The following LEMD2 variants were observed in gnomAD, a reference collection of about 807,000 sequenced individuals.
LEMD2 encodes LEM domain nuclear envelope protein 2.
In LEMD2, 34 loss-of-function variants were observed where a neutral mutation model predicts 58.8. That is an observed-to-expected ratio of 0.58 (90% CI 0.44 to 0.77). LEMD2 has a LOEUF of 0.77. Ranked by LOEUF, LEMD2 falls within the 30% of genes least tolerant of loss-of-function variation. The probability of loss-of-function intolerance (pLI) is 0.00; values close to 1 mark genes in which losing one functional copy is unlikely to be tolerated. For missense variants in LEMD2, 629 were observed against 717.9 expected (o/e 0.88, Z 1.42); for synonymous variants, 298 against 308.9 (o/e 0.96, Z 0.37).
At position 33,789,130 on chromosome 6, in the gene LEMD2, C is replaced by A; in HGVS notation, c.-14G>T. 1.3e-6 allele frequency: 2 copies of A among 1,491,698 alleles called. No individual in the cohort carries two copies. Among genetic ancestry groups the A allele is most frequent in the Admixed American group, 2.3e-5 (1 of 42,800 alleles). 92.4% of individuals were successfully genotyped at this position (1,491,698 alleles called of 1,614,324 possible). ...CAGGCCGGCCATGGCCAGGACGCCGCCCCCCGCCCGCCCCTGGCGCGCACC... is the reference window on the plus strand; with the variant it reads ...CAGGCCGGCCATGGCCAGGACGCCGACCCCCGCCCGCCCCTGGCGCGCACC... On this transcript the variant is annotated 5_prime_UTR_variant, in exon 1 of 9. Transcript: ENST00000293760.
chr6:33,786,892 T>G, intron 1 of LEMD2, 118 bp from the exon 2 acceptor site: 1 of 1,509,424 alleles, frequency 6.6e-7, no homozygotes, highest in Non-Finnish European at 8.9e-7. Flanking sequence ...GGGTGGGGAT[T>G]AGAAAGATGT....
chr6:33,784,751 G>A lies in LEMD2; in HGVS notation c.778-324C>T, dbSNP rs981889784. The A allele has an allele frequency of 2.9e-5, 7 of 237,874 alleles. No homozygotes were observed. In the East Asian group the frequency reaches 5.1e-4, roughly 17 times the overall value. The allele number at this position is 237,874 out of a possible 1,614,324, so 14.7% of individuals were successfully genotyped here. ...ATTAAGAGGGCTGAGCAGAGGCGAC[G>A]TGGTCGGGGGATGATGCAGTCGCTC... On this transcript the variant is annotated intron_variant, in intron 2 of 8. Coordinates refer to ENST00000293760, the MANE Select transcript of LEMD2 (RefSeq NM_181336.4).
chr6:33,781,682 C>T (rs926949131), intron 3 of LEMD2: 1 of 153,692 alleles, frequency 6.5e-6, no homozygotes, highest in African/African-American at 2.4e-5. Context: ...GCTTTGGAGG[C>T]CTGCTCCCAT....
rs943765327 is a variant in LEMD2 at position 33,778,163 on chromosome 6, G to T, written c.1156+79C>A. ...GACAGAAATGAACCCTCCGGGCCTG[G>T]AATTTCTATAGCTCATCATTCATGC... On this transcript the variant is annotated intron_variant, in intron 6 of 8. Coordinates refer to ENST00000293760, the MANE Select transcript of LEMD2 (RefSeq NM_181336.4). The surrounding 1 kb of genome is among the most constrained non-coding windows in gnomAD (Gnocchi z 4.7). 1.4e-6 allele frequency: 2 copies of T among 1,386,564 alleles called. No homozygotes were observed. Among genetic ancestry groups the T allele is most frequent in the African/African-American group, 2.9e-5 (2 of 68,192 alleles). 85.9% of individuals were successfully genotyped at this position (1,386,564 alleles called of 1,614,324 possible).
Position 33,771,776 on chromosome 6 carries a change from CGCGTCGGGGCTGTG to C in LEMD2, c.*838_*851del, listed in dbSNP as rs1396233207. On this transcript the variant is annotated 3_prime_UTR_variant, in exon 9 of 9. Coordinates refer to ENST00000293760, the MANE Select transcript of LEMD2 (RefSeq NM_181336.4). The stretch of plus-strand genomic sequence containing the variant: ...CGCTGAAGTTCTTGTTAAACAGCCC[CGCGTCGGGGCTGTG>C]GTCACAGTAAAGCAAGGCGATCTTC... 9 of 152,244 alleles carry C rather than the reference CGCGTCGGGGCTGTG, an allele frequency of 5.9e-5. No homozygotes were observed. Among genetic ancestry groups the C allele is most frequent in the Admixed American group, 2.6e-4 (4 of 15,290 alleles). The allele number at this position is 152,244 out of a possible 1,614,324, so 9.4% of individuals were successfully genotyped here.
In LEMD2 at chr6:33,772,620, C is replaced by A; in HGVS notation, c.*8G>T. 1 of 1,612,020 alleles carries A rather than the reference C, an allele frequency of 6.2e-7. No homozygotes were observed. Among genetic ancestry groups the A allele is most frequent in the Non-Finnish European group, 8.5e-7 (1 of 1,178,888 alleles). The stretch of plus-strand genomic sequence containing the variant: ...CAGGCTGACCGGGAACAAGTCCCCG[C>A]CCGGGGCTTATCGCTCTGAGTCAGA... On this transcript the variant is annotated 3_prime_UTR_variant, in exon 9 of 9. Transcript: ENST00000293760.
chr6:33,783,894 C>A (rs989659133), intron 3 of LEMD2, among the ~76,000 whole-genome samples: 5 of 152,208 alleles, frequency 3.3e-5, no homozygotes, highest in Non-Finnish European at 7.4e-5. Flanking sequence ...AGATGTGACA[C>A]CAGGGCCCAC....
chr6:33,775,590 C>G (rs1421467385), intron 8 of LEMD2, among the ~76,000 whole-genome samples: 1 of 152,200 alleles, frequency 6.6e-6, no homozygotes, highest in Non-Finnish European at 1.5e-5. Flanking sequence ...GCTGGGATTA[C>G]AGGTGTGAGC....
At position 33,788,550 on chromosome 6, in the gene LEMD2, T is replaced by C; in HGVS notation, c.567A>G (p.Arg189=). 6.9e-7 allele frequency: 1 copy of C among 1,445,844 alleles called. No individual in the cohort carries two copies. The highest frequency in any genetic ancestry group is 9.1e-7 in the Non-Finnish European group (1 of 1,102,016). The allele number at this position is 1,445,844 out of a possible 1,614,324, so 89.6% of individuals were successfully genotyped here. A position where few individuals can be genotyped will look rare whatever the true frequency, so the allele number is the denominator to read the frequency against. The change falls in exon 1 of 9, where the codon CGA becomes CGG. Residue 189 remains arginine (R), a synonymous_variant. Transcript: ENST00000293760. Reference sequence around the variant, plus strand: ...CCCTCGCCGCGCCAGCAGGGCCCGCTCGAGTCGCCCGCAGGCCCGGGCGCG... The same window carrying C: ...CCCTCGCCGCGCCAGCAGGGCCCGCCCGAGTCGCCCGCAGGCCCGGGCGCG... ...PDPRPGLRAT[R]AGPAGAARAR...
In LEMD2 at chr6:33,773,948, G is replaced by A. The variant is rs544005142; in HGVS notation, c.1362-1170C>T. 1.4e-4 allele frequency among the ~76,000 whole-genome samples: 21 copies of A among 152,318 alleles called. No homozygotes were observed. In the South Asian group the frequency reaches 3.9e-3, roughly 29 times the overall value. On this transcript the variant is annotated intron_variant, in intron 8 of 8. Transcript: ENST00000293760. ...TCAAGAGAGCAAACAGAGCATGGGC[G>A]TCTGGGGTTCACATGGCTCTGACCC...
In LEMD2 at chr6:33,786,646, T is replaced by G. The variant is rs144605130; in HGVS notation, c.777+88A>C. The G allele has an allele frequency of 6.1e-4, 602 of 987,038 alleles. 2 individuals carry two copies. In the African/African-American group the frequency reaches 7.6e-3, roughly 12 times the overall value. 61.1% of individuals were successfully genotyped at this position (987,038 alleles called of 1,614,324 possible). ...TACAGGAAGCACTCCCTGAAAATGA[T>G]CCTATTCTTTTTCTGGGGAAGTTTA... On this transcript the variant is annotated intron_variant, in intron 2 of 8. Transcript: ENST00000293760.
intron 5 of LEMD2, chr6:33,779,236 A>G (rs1214556599): frequency 6.6e-6 from 1 of 151,736 alleles, no homozygotes; most frequent in Admixed American, 6.6e-5. Context: ...TAACACAGGA[A>G]AATTGCTCAG....
intron 3 of LEMD2, 108 bp from the exon 4 acceptor site, chr6:33,781,261 T>C (rs1284692502): frequency 2.8e-6 from 2 of 705,600 alleles, no homozygotes; most frequent in Non-Finnish European, 4.9e-6. Context: ...AGGAGCATGT[T>C]GCCCAGCGGC....
intron 3 of LEMD2, 70 bp from the exon 4 acceptor site, chr6:33,781,223 A>T (rs1327637847): frequency 1.0e-5 from 10 of 1,000,044 alleles, no homozygotes; most frequent in Non-Finnish European, 1.6e-5. Context: ...TAAAAAATGC[A>T]GCAAGAATCA....
Position 33,788,966 on chromosome 6 carries a change from G to A in LEMD2, c.151C>T (p.Arg51Trp). 6.5e-7 allele frequency: 1 copy of A among 1,531,040 alleles called. No homozygotes were observed. The allele number at this position is 1,531,040 out of a possible 1,614,324, so 94.8% of individuals were successfully genotyped here. ...EARLRDEERL[R>W]EEARPRGEER... is the part of the protein sequence containing the mutation. ...TCGCCCCGCGGCCGGGCCTCCTCCC[G>A]CAGCCGCTCCTCGTCGCGCAGCCGG... The change falls in exon 1 of 9, where the codon CGG (arginine) becomes TGG (tryptophan). Residue 51 changes from arginine to tryptophan, a missense_variant. Physicochemically the swap from Arg to Trp is moderately radical, Grantham distance 101. Around this residue, in one of 2 missense-constraint regions of LEMD2, gnomAD observed 386 missense variants for 381.1 expected, o/e 1.01. Transcript: ENST00000293760.
chr6:33,788,882 C>A lies in LEMD2; in HGVS notation c.235G>T (p.Ala79Ser), dbSNP rs1436286864. 1.5e-6 allele frequency: 2 copies of A among 1,374,676 alleles called. No homozygotes were observed. The highest frequency in any genetic ancestry group is 3.8e-5 in the Admixed American group (1 of 26,274). 85.2% of individuals were successfully genotyped at this position (1,374,676 alleles called of 1,614,324 possible). A position where few individuals can be genotyped will look rare whatever the true frequency, so the allele number is the denominator to read the frequency against. The stretch of plus-strand genomic sequence containing the variant: ...GGCTCCGCCCGCGGAGAGGCCGCGG[C>A]GGGCCGGGCGCGCAGCGGCGCATCC... Reference protein sequence around the residue: ...REDAPLRARPAAASPRAEPWL... With the variant: ...REDAPLRARPSAASPRAEPWL... Residue 79 changes from alanine to serine, a missense_variant, in exon 1 of 9, where the codon GCC (alanine) becomes TCC (serine). By Grantham distance (99) the Ala-to-Ser change is moderately conservative. Transcript: ENST00000293760.
chr6:33,783,792 A>C (rs745321981), intron 3 of LEMD2, among the ~76,000 whole-genome samples: 1 of 152,184 alleles, frequency 6.6e-6, no homozygotes, highest in Non-Finnish European at 1.5e-5. Flanking sequence ...GAACAGACAG[A>C]CCCAAGAGCC....
intron 3 of LEMD2, chr6:33,781,426 T>G (rs994271321): frequency 1.2e-5 from 5 of 432,906 alleles, no homozygotes; most frequent in African/African-American, 1.0e-4. Flanking sequence ...TCTTTGCAAT[T>G]GATCCCTAAA....
In LEMD2 at chr6:33,775,782, G is replaced by A. The variant is rs907649840; in HGVS notation, c.1361+1172C>T. On this transcript the variant is annotated intron_variant, in intron 8 of 8. Coordinates refer to ENST00000293760, the MANE Select transcript of LEMD2 (RefSeq NM_181336.4). ...GCCTCAGTTCCCTTATAGGTAAAAT[G>A]GGGCCACTTCTGTTGTGTGCGTGAA... Among the ~76,000 whole-genome samples, 6 of 152,340 alleles carry A rather than the reference G, an allele frequency of 3.9e-5. 1 individual carries two copies. The South Asian group carries it at 8.3e-4, about 21-fold the overall frequency.
Sources: allele counts gnomAD v4.1 joint callset (sites outside exome capture counted in the v4.1 genomes callset), GRCh38; gene constraint gnomAD v4.1.1; regional missense constraint gnomAD v4.1.1; non-coding constraint Gnocchi (gnomAD v3.1); transcripts MANE v1.5; gene names NCBI Gene and HGNC (gene_info 2026-07-23, HGNC 2026-07-21).